The following ROBO3 variants were observed in gnomAD, a reference collection of about 807,000 sequenced individuals.
ROBO3 encodes roundabout homolog 3.
Under a neutral mutation model 160.5 loss-of-function variants are expected in ROBO3, and 97 were observed. The ratio of observed to expected loss-of-function variants is 0.60; its 90% confidence interval spans 0.51 to 0.72. ROBO3 has a LOEUF of 0.72. ROBO3 is among the 30% of genes least tolerant of loss of function. The pLI is 0.00. For missense variants in ROBO3, 1,858 were observed against 1,846.5 expected (o/e 1.01, Z -0.11); for synonymous variants, 780 against 746.2 (o/e 1.05, Z -0.74).
Position 124,875,268 on chromosome 11 carries a change from T to C in ROBO3, c.2231T>C (p.Val744Ala), listed in dbSNP as rs1591514402. 3 of 1,612,514 alleles carry C rather than the reference T, an allele frequency of 1.9e-6. No individual in the cohort carries two copies. The highest frequency in any genetic ancestry group is 2.5e-6 in the Non-Finnish European group (3 of 1,179,632). The stretch of plus-strand genomic sequence containing the variant: ...CCAGGGACCCAAATCCAGATCAAGG[T>C]GCAAGCCCAAGGCCAGGAGGGGCTG... Reference protein sequence around the residue: ...LPPGTQIQIKVQAQGQEGLGA... With the variant: ...LPPGTQIQIKAQAQGQEGLGA... The change falls in exon 14 of 28, where the codon GTG becomes GCG. Residue 744 changes from valine (V) to alanine (A), a missense_variant. Coordinates refer to ENST00000397801, the MANE Select transcript of ROBO3 (RefSeq NM_022370.4).
At position 124,876,458 on chromosome 11, in the gene ROBO3, CG is replaced by C; in HGVS notation, c.2779+1del. ...CAGCGCAAAGAGCTCAGCCACTACA[CG>C]GGTGAGCTCCCGGCCTCGGAGCGGA... is the stretch of plus-strand genomic sequence containing the variant. ...RKQRKELSHYTASFAYTPAVS... is the reference protein window; with the variant it reads ...RKQRKELSHYXASFAYTPAVS... On this transcript the variant is annotated frameshift_variant and splice_region_variant, in exon 17 of 28. Transcript: ENST00000397801. LOFTEE classifies it high-confidence loss of function. The surrounding 1 kb of genome is among the most constrained non-coding windows in gnomAD (Gnocchi z 5.3). 7.1e-7 allele frequency: 1 copy of C among 1,401,826 alleles called. No homozygotes were observed. 86.8% of individuals were successfully genotyped at this position (1,401,826 alleles called of 1,614,324 possible). A position where few individuals can be genotyped will look rare whatever the true frequency, so the allele number is the denominator to read the frequency against.
rs775957194 is a variant in ROBO3 at position 124,875,343 on chromosome 11, AG to A, written c.2299+10del. On this transcript the variant is annotated splice_region_variant and intron_variant, in intron 14 of 27. Coordinates refer to ENST00000397801, the MANE Select transcript of ROBO3 (RefSeq NM_022370.4). ...AGGAGCATTCCTGAGGAGGGTAAGG[AG>A]GGCCACCGAACAGATGGATGGACAA... The A allele has an allele frequency of 8.8e-4, 1,168 of 1,329,568 alleles. 2 individuals are homozygous for A. The highest frequency in any genetic ancestry group is 1.1e-3 in the Non-Finnish European group (1,047 of 979,494). 82.4% of individuals were successfully genotyped at this position (1,329,568 alleles called of 1,614,324 possible). A position where few individuals can be genotyped will look rare whatever the true frequency, so the allele number is the denominator to read the frequency against.
chr11:124,868,935 C>G lies in ROBO3; in HGVS notation c.294C>G (p.Tyr98Ter). Reference sequence around the variant, plus strand: ...GACCCCGACCCAACATTGAGTGGTACAAGAACGGGGCGCGTGTGGCCACTG... The same window carrying G: ...GACCCCGACCCAACATTGAGTGGTAGAAGAACGGGGCGCGTGTGGCCACTG... ...EGRPRPNIEW[Y>*]KNGARVATVR... The change falls in exon 2 of 28, where the codon TAC becomes TAG. Residue 98 changes from tyrosine (Y) to a stop codon, truncating the protein, a stop_gained. Transcript: ENST00000397801. LOFTEE classifies it high-confidence loss of function. 1 of 1,607,182 alleles carries G rather than the reference C, an allele frequency of 6.2e-7. No homozygotes were observed. The highest frequency in any genetic ancestry group is 8.5e-7 in the Non-Finnish European group (1 of 1,177,548).
rs2135341220 is a variant in ROBO3, at chr11:124,877,919, C to G, written c.2987-18C>G. On this transcript the variant is annotated intron_variant, in intron 20 of 27. Coordinates refer to ENST00000397801, the MANE Select transcript of ROBO3 (RefSeq NM_022370.4). ...GTTTCTGTCTCTGCTTCCGGGCCTC[C>G]CTCTTTCTTCTCTGCAGAAGCGGGA... The G allele has an allele frequency of 1.3e-6, 2 of 1,556,368 alleles. No homozygotes were observed. Among genetic ancestry groups the G allele is most frequent in the Non-Finnish European group, 8.8e-7 (1 of 1,137,358 alleles).
rs1946558608 is a variant in ROBO3 at position 124,880,612 on chromosome 11, G to A, written c.4149+4G>A. ...GCCAGGACAGAAACGCCGAGAGGTA[G>A]GGGCCATAGATTGCAGAAAAATGAG... On this transcript the variant is annotated splice_donor_region_variant and intron_variant, in intron 27 of 27. Transcript: ENST00000397801. The A allele has an allele frequency of 4.6e-6, 7 of 1,533,826 alleles. No individual in the cohort carries two copies. Among genetic ancestry groups the A allele is most frequent in the Non-Finnish European group, 6.1e-6 (7 of 1,140,766 alleles).
rs759037128 is a variant in ROBO3 at position 124,875,553 on chromosome 11, C to A, written c.2300-11C>A. 3.7e-6 allele frequency: 6 copies of A among 1,611,248 alleles called. No individual in the cohort carries two copies. Among genetic ancestry groups the A allele is most frequent in the South Asian group, 3.3e-5 (3 of 90,724 alleles). ...TTTGTGTCCTTCTCACCATGCTCCA[C>A]CCTGGCCCAGCCCCCAGTGGCCCCC... On this transcript the variant is annotated splice_polypyrimidine_tract_variant and intron_variant, in intron 14 of 27. Coordinates refer to ENST00000397801, the MANE Select transcript of ROBO3 (RefSeq NM_022370.4).
At position 124,876,781 on chromosome 11, in the gene ROBO3, G is replaced by A; in HGVS notation, c.2779+321G>A. On this transcript the variant is annotated intron_variant, in intron 17 of 27. Coordinates refer to ENST00000397801, the MANE Select transcript of ROBO3 (RefSeq NM_022370.4). This position sits in a 1 kb window ranked among gnomAD's most constrained non-coding sequence, Gnocchi z 5.3. ...AAGCCCACTCAAAGGGCGGGGGGCG[G>A]GGCCTGGCAAGAGGGGGTGTGGCCA... 2 of 358,598 alleles carry A rather than the reference G, an allele frequency of 5.6e-6. No individual in the cohort carries two copies. Among genetic ancestry groups the A allele is most frequent in the Non-Finnish European group, 1.0e-5 (2 of 195,998 alleles). 22.2% of individuals were successfully genotyped at this position (358,598 alleles called of 1,614,324 possible).
chr11:124,872,788 G>C lies in ROBO3; in HGVS notation c.1331-96G>C. On this transcript the variant is annotated intron_variant, in intron 8 of 27. Coordinates refer to ENST00000397801, the MANE Select transcript of ROBO3 (RefSeq NM_022370.4). The surrounding 1 kb of genome is among the most constrained non-coding windows in gnomAD (Gnocchi z 4.3). ...TGATCACCGGAAGTTTCAGGGGCTG[G>C]GGTAGGGAGGGTGAAGGAGCAGAGA... 1.8e-6 allele frequency: 2 copies of C among 1,130,142 alleles called. No individual in the cohort carries two copies. The highest frequency in any genetic ancestry group is 3.3e-5 in the South Asian group (2 of 60,516). The allele number at this position is 1,130,142 out of a possible 1,614,324, so 70.0% of individuals were successfully genotyped here.
Position 124,880,549 on chromosome 11 carries a change from A to T in ROBO3, c.4090A>T (p.Ser1364Cys). The part of the protein sequence containing the change: ...SSRGSRGPGR[S>C]RSRSQSRSQS... ...TAGGGGCTCCCGGGGCCCTGGCCGG[A>T]GCCGGAGTCGGAGTCAGAGCCGGAG... is the stretch of plus-strand genomic sequence containing the variant. Residue 1364 changes from serine (S) to cysteine (C), a missense_variant, in exon 27 of 28, where the codon AGC (serine) becomes TGC (cysteine). Coordinates refer to ENST00000397801, the MANE Select transcript of ROBO3 (RefSeq NM_022370.4). 1 of 1,528,252 alleles carries T rather than the reference A, an allele frequency of 6.5e-7. No homozygotes were observed. Among genetic ancestry groups the T allele is most frequent in the Non-Finnish European group, 8.7e-7 (1 of 1,143,540 alleles). The allele number at this position is 1,528,252 out of a possible 1,614,324, so 94.7% of individuals were successfully genotyped here. A position where few individuals can be genotyped will look rare whatever the true frequency, so the allele number is the denominator to read the frequency against.
Position 124,877,315 on chromosome 11 carries a change from T to G in ROBO3, c.2846+6T>G, listed in dbSNP as rs1946409758. On this transcript the variant is annotated splice_donor_region_variant and intron_variant, in intron 19 of 27. Coordinates refer to ENST00000397801, the MANE Select transcript of ROBO3 (RefSeq NM_022370.4). ...CTCTCTGGAGCCAGTTCCAGGTAAT[T>G]CTCTTAGCCCATTTCCTCAGGATGA... The G allele has an allele frequency of 6.2e-7, 1 of 1,613,522 alleles. No homozygotes were observed.
In ROBO3 at chr11:124,869,327, C is replaced by A; in HGVS notation, c.488-123C>A. The A allele has an allele frequency of 2.6e-6, 3 of 1,139,622 alleles. No individual in the cohort carries two copies. The allele number at this position is 1,139,622 out of a possible 1,614,324, so 70.6% of individuals were successfully genotyped here. On this transcript the variant is annotated intron_variant, in intron 2 of 27. Transcript: ENST00000397801. This position sits in a 1 kb window ranked among gnomAD's most constrained non-coding sequence, Gnocchi z 4.2. ...ATCTGACTCCAGGCTGATATTTTCTCACCTGGGAACGAATTCCAGTCTGCA... is the reference window on the plus strand; with the variant it reads ...ATCTGACTCCAGGCTGATATTTTCTAACCTGGGAACGAATTCCAGTCTGCA...
At chr11:124,870,467 T>A in intron 5 of ROBO3, 134 bp from the exon 6 acceptor site, 1 of 1,485,330 alleles carries the variant, frequency 6.7e-7, no homozygotes, top group Non-Finnish European at 9.2e-7. Context: ...CATTGATGGG[T>A]CCATGGGTAA....
chr11:124,874,341 C>T, intron 12 of ROBO3, 105 bp downstream of exon 12: 5 of 1,080,914 alleles, frequency 4.6e-6, no homozygotes, highest in Non-Finnish European at 6.6e-6. Flanking sequence ...TTCTTTCCTG[C>T]TATGCCAGGT....
At chr11:124,867,728 C>T (rs1946218802) in intron 1 of ROBO3, among the ~76,000 whole-genome samples, 1 of 148,850 alleles carries the variant, frequency 6.7e-6, no homozygotes, top group South Asian at 2.1e-4. Flanking sequence ...AACCCAATCT[C>T]ACAGGCGGGC....
chr11:124,876,502 C>T lies in ROBO3; in HGVS notation c.2779+42C>T. On this transcript the variant is annotated intron_variant, in intron 17 of 27. Transcript: ENST00000397801. This position sits in a 1 kb window ranked among gnomAD's most constrained non-coding sequence, Gnocchi z 5.3. The stretch of plus-strand genomic sequence containing the variant: ...GGAGCGGACGGATCCGGGAGGGAGC[C>T]AGGCGGCCCATGGGGAGGGGCAGGG... The T allele has an allele frequency of 1.5e-6, 2 of 1,346,674 alleles. No homozygotes were observed. The highest frequency in any genetic ancestry group is 1.9e-6 in the Non-Finnish European group (2 of 1,053,182). The allele number at this position is 1,346,674 out of a possible 1,614,324, so 83.4% of individuals were successfully genotyped here.
Position 124,868,928 on chromosome 11 carries a change from A to C in ROBO3, c.287A>C (p.Glu96Ala). The C allele has an allele frequency of 6.2e-7, 1 of 1,607,732 alleles. No individual in the cohort carries two copies. The highest frequency in any genetic ancestry group is 8.5e-7 in the Non-Finnish European group (1 of 1,177,784). Reference protein sequence around the residue: ...RAEGRPRPNIEWYKNGARVAT... With the variant: ...RAEGRPRPNIAWYKNGARVAT... Reference sequence around the variant, plus strand: ...GAAGGCCGACCCCGACCCAACATTGAGTGGTACAAGAACGGGGCGCGTGTG... The same window carrying C: ...GAAGGCCGACCCCGACCCAACATTGCGTGGTACAAGAACGGGGCGCGTGTG... Residue 96 changes from glutamate (E) to alanine (A), a missense_variant, in exon 2 of 28, where the codon GAG (glutamate) becomes GCG (alanine). Physicochemically the swap from Glu to Ala is moderately radical, Grantham distance 107. Transcript: ENST00000397801.
rs1946379513 is a variant in ROBO3, at chr11:124,876,492, G to C, written c.2779+32G>C. The C allele has an allele frequency of 3.7e-6, 5 of 1,357,430 alleles. No individual in the cohort carries two copies. The highest frequency in any genetic ancestry group is 1.5e-5 in the African/African-American group (1 of 65,278). 84.1% of individuals were successfully genotyped at this position (1,357,430 alleles called of 1,614,324 possible). On this transcript the variant is annotated intron_variant, in intron 17 of 27. Transcript: ENST00000397801. The surrounding 1 kb of genome is among the most constrained non-coding windows in gnomAD (Gnocchi z 5.3). ...TCCCGGCCTCGGAGCGGACGGATCC[G>C]GGAGGGAGCCAGGCGGCCCATGGGG...
Position 124,869,403 on chromosome 11 carries a change from A to C in ROBO3, c.488-47A>C, listed in dbSNP as rs1437457714. The C allele has an allele frequency of 2.7e-5, 40 of 1,472,810 alleles. No individual in the cohort carries two copies. The highest frequency in any genetic ancestry group is 3.6e-5 in the Non-Finnish European group (39 of 1,077,756). The allele number at this position is 1,472,810 out of a possible 1,614,324, so 91.2% of individuals were successfully genotyped here. A position where few individuals can be genotyped will look rare whatever the true frequency, so the allele number is the denominator to read the frequency against. On this transcript the variant is annotated intron_variant, in intron 2 of 27. Transcript: ENST00000397801. The surrounding 1 kb of genome is among the most constrained non-coding windows in gnomAD (Gnocchi z 4.2). ...ACTTTCCCTGTGTCCTCAGCCAGTT[A>C]TGTCACTCTACACCCTGCTTATTTC...
At chr11:124,880,032 C>T (rs957073279) in intron 26 of ROBO3, 84 bp downstream of exon 26, 61 of 1,319,664 alleles carry the variant, frequency 4.6e-5, no homozygotes, top group Non-Finnish European at 5.5e-5. Context: ...TAGACCAGCT[C>T]AGCCCTCCCT....
Sources: allele counts gnomAD v4.1 joint callset (sites outside exome capture counted in the v4.1 genomes callset), GRCh38; gene constraint gnomAD v4.1.1; non-coding constraint Gnocchi (gnomAD v3.1); transcripts MANE v1.5; gene names NCBI Gene and HGNC (gene_info 2026-07-23, HGNC 2026-07-21).